Variants in DLGAP1 observed in about 807,000 individuals in gnomAD.
DLGAP1 encodes the protein disks large-associated protein 1.
DLGAP1 carries 11 observed loss-of-function variants against 90.8 expected under a neutral mutation model. The observed-to-expected ratio is 0.12, with a 90% CI of 0.08 to 0.20. DLGAP1 has a LOEUF of 0.20. Among genes scored for constraint, DLGAP1 ranks in the 10% least tolerant of loss-of-function variants. The pLI is 1.00. For synonymous variants in DLGAP1, 558 were observed against 540.7 expected (o/e 1.03, Z -0.44); for missense variants, 1,050 against 1,333.8 (o/e 0.79, Z 3.31).
rs77166542 is a variant in DLGAP1 at position 3,950,896 on chromosome 18, T to G, written c.-73+54220A>C. On this transcript the variant is annotated intron_variant, in intron 3 of 12. Coordinates refer to ENST00000315677, the MANE Select transcript of DLGAP1 (RefSeq NM_004746.4). ...TAAAGAAAAAATATAGGTATTGATATGAATGAACTATACGGGCTGACAGTT... is the reference window on the plus strand; with the variant it reads ...TAAAGAAAAAATATAGGTATTGATAGGAATGAACTATACGGGCTGACAGTT... 1.1e-3 allele frequency among the ~76,000 whole-genome samples: 168 copies of G among 152,348 alleles called. 3 individuals carry two copies. In the East Asian group the frequency reaches 0.031, roughly 29 times the overall value.
intron 1 of DLGAP1, among the ~76,000 whole-genome samples, chr18:4,200,487 C>T (rs976704156): frequency 6.0e-5 from 9 of 150,986 alleles, no homozygotes; most frequent in Non-Finnish European, 1.3e-4. Flanking sequence ...TTAGTTGATC[C>T]CTTTTGATTT....
intron 2 of DLGAP1, among the ~76,000 whole-genome samples, chr18:4,008,479 C>T (rs1049319291): frequency 3.9e-5 from 6 of 152,128 alleles, no homozygotes; most frequent in East Asian, 1.9e-4. Flanking sequence ...AGAAAGCTGT[C>T]GTGTCTTGTA....
chr18:3,813,020 A>G (rs948706949), intron 5 of DLGAP1, among the ~76,000 whole-genome samples: 14 of 152,220 alleles, frequency 9.2e-5, no homozygotes, highest in African/African-American at 3.4e-4. Flanking sequence ...CCAAGACTCT[A>G]AAGAATTTAC....
At chr18:4,302,046 A>G (rs1177103409) in intron 1 of DLGAP1, among the ~76,000 whole-genome samples, 1 of 152,160 alleles carries the variant, frequency 6.6e-6, no homozygotes, top group African/African-American at 2.4e-5. Flanking sequence ...TTAACCACTT[A>G]TCAGATGTGT....
rs367825415 is a variant in DLGAP1, at chr18:3,716,008, T to C, written c.1591+13127A>G. Among the ~76,000 whole-genome samples the C allele has an allele frequency of 2.9e-4, 44 of 152,320 alleles. 1 individual carries two copies. In the East Asian group the frequency reaches 8.1e-3, roughly 28 times the overall value. ...AGGGAAAGAATATTTTTTAAAAATTTAGTATTGATTTTTAAAAAGAATTCT... is the reference window on the plus strand; with the variant it reads ...AGGGAAAGAATATTTTTTAAAAATTCAGTATTGATTTTTAAAAAGAATTCT... On this transcript the variant is annotated intron_variant, in intron 7 of 12. Transcript: ENST00000315677.
intron 1 of DLGAP1, among the ~76,000 whole-genome samples, chr18:4,205,224 G>A (rs923859793): frequency 6.6e-6 from 1 of 152,152 alleles, no homozygotes; most frequent in African/African-American, 2.4e-5. Flanking sequence ...AGAGGAGAAA[G>A]AGTAGTATCA....
intron 7 of DLGAP1, among the ~76,000 whole-genome samples, chr18:3,684,496 G>C (rs960443242): frequency 2.0e-5 from 3 of 151,722 alleles, no homozygotes; most frequent in African/African-American, 7.3e-5. Context: ...CACCACACCT[G>C]GCCAAGATGT....
intron 5 of DLGAP1, among the ~76,000 whole-genome samples, chr18:3,797,476 C>G (rs2066058534): frequency 6.6e-6 from 1 of 152,094 alleles, no homozygotes. Flanking sequence ...CTTCCAGCCT[C>G]TAGAAAATAA....
intron 1 of DLGAP1, among the ~76,000 whole-genome samples, chr18:4,421,315 C>T (rs2083023691): frequency 6.6e-6 from 1 of 152,066 alleles, no homozygotes. Flanking sequence ...CCTCAAAACT[C>T]CCTCAATCTT....
chr18:3,898,513 C>T (rs1178566334), intron 3 of DLGAP1, among the ~76,000 whole-genome samples: 1 of 152,120 alleles, frequency 6.6e-6, no homozygotes, highest in Non-Finnish European at 1.5e-5. Context: ...GTTTAGGCAC[C>T]ACTACACTGT....
chr18:3,963,283 C>G (rs1370196061), intron 3 of DLGAP1, among the ~76,000 whole-genome samples: 1 of 560 alleles, frequency 1.8e-3, no homozygotes, highest in Non-Finnish European at 0.013. Flanking sequence ...CCCCCCTCAC[C>G]CCCCAGGGTT....
chr18:3,830,797 A>C (rs2148553968), intron 4 of DLGAP1, among the ~76,000 whole-genome samples: 1 of 152,348 alleles, frequency 6.6e-6, no homozygotes, highest in African/African-American at 2.4e-5. Context: ...ATCTGTAAGC[A>C]ACTTGAGAGG....
chr18:3,900,345 C>A (rs1463811721), intron 3 of DLGAP1, among the ~76,000 whole-genome samples: 4 of 152,236 alleles, frequency 2.6e-5, no homozygotes, highest in African/African-American at 9.6e-5. Context: ...GGACCCCCAA[C>A]TATCTCTCCA....
intron 8 of DLGAP1, among the ~76,000 whole-genome samples, chr18:3,576,862 G>A (rs1049062769): frequency 2.1e-5 from 3 of 144,060 alleles, no homozygotes; most frequent in East Asian, 2.1e-4. Flanking sequence ...CACTACGCCC[G>A]GCCTTTTTTT....
chr18:3,713,281 G>A (rs1319893501), intron 7 of DLGAP1, among the ~76,000 whole-genome samples: 1 of 152,194 alleles, frequency 6.6e-6, no homozygotes, highest in Non-Finnish European at 1.5e-5. Flanking sequence ...ACATGCAATT[G>A]GTGCCATAAT....
At chr18:3,633,079 C>G (rs962771302) in intron 7 of DLGAP1, among the ~76,000 whole-genome samples, 4 of 152,118 alleles carry the variant, frequency 2.6e-5, no homozygotes, top group African/African-American at 9.7e-5. Flanking sequence ...TTAAAGTCTG[C>G]TTCTACCTAC....
At chr18:3,998,332 ATAT>A (rs1171017779) in intron 3 of DLGAP1, among the ~76,000 whole-genome samples, 1 of 152,154 alleles carries the variant, frequency 6.6e-6, no homozygotes, top group East Asian at 1.9e-4. Flanking sequence ...ATGATCAATA[ATAT>A]TTTATTTTAA....
At chr18:4,111,964 T>C (rs2075981467) in intron 2 of DLGAP1, among the ~76,000 whole-genome samples, 1 of 150,888 alleles carries the variant, frequency 6.6e-6, no homozygotes, top group Non-Finnish European at 1.5e-5. Context: ...ATAATAATAA[T>C]TATTATTTAT....
At chr18:4,428,453 A>G (rs1186296451) in intron 1 of DLGAP1, among the ~76,000 whole-genome samples, 1 of 152,074 alleles carries the variant, frequency 6.6e-6, no homozygotes, top group Non-Finnish European at 1.5e-5. Context: ...ATGGTGGCGC[A>G]CACCTGTAAT....
Sources: gnomAD v4.1 joint callset for allele counts (sites outside exome capture counted in the v4.1 genomes callset) on GRCh38, gnomAD v4.1.1 for gene constraint, MANE v1.5 for transcripts, NCBI Gene and HGNC (gene_info 2026-07-23, HGNC 2026-07-21) for gene names.